Variants in NCAM2 observed in about 807,000 individuals in gnomAD.
NCAM2 encodes the protein N-CAM-2.
A neutral mutation model predicts 98.1 loss-of-function variants in NCAM2; 30 were observed. The observed-to-expected ratio is 0.31, with a 90% CI of 0.23 to 0.41. The LOEUF (loss-of-function observed/expected upper bound fraction) is 0.41, where lower values mean the gene tolerates loss of function less well. NCAM2 is among the 10% of genes least tolerant of loss of function. The probability of loss-of-function intolerance (pLI) is 1.00; values close to 1 mark genes in which losing one functional copy is unlikely to be tolerated. For synonymous variants in NCAM2, 368 were observed against 342.4 expected, an observed-to-expected ratio of 1.07 and a Z score of -0.83; for missense variants, 867 against 1,005.8, an observed-to-expected ratio of 0.86 and a Z score of 1.87.
At chr21:21,342,817 A>T (rs943721936) in intron 8 of NCAM2, among the ~76,000 whole-genome samples, 1 of 152,200 alleles carries the variant, frequency 6.6e-6, no homozygotes, top group African/African-American at 2.4e-5. Context: ...TCTACAATTT[A>T]TCTCAAAATA....
At chr21:21,152,828 A>G (rs574954988) in intron 1 of NCAM2, among the ~76,000 whole-genome samples, 1 of 152,066 alleles carries the variant, frequency 6.6e-6, no homozygotes, top group East Asian at 1.9e-4. Context: ...ACTCAATGGG[A>G]CACTTATGCT....
intron 12 of NCAM2, among the ~76,000 whole-genome samples, chr21:21,434,803 C>G (rs966485781): frequency 1.3e-5 from 2 of 152,162 alleles, no homozygotes; most frequent in East Asian, 3.9e-4. Flanking sequence ...CTCTGGCCTC[C>G]ATGAAAGATA....
intron 1 of NCAM2, among the ~76,000 whole-genome samples, chr21:21,011,524 A>G (rs1033563832): frequency 2.6e-5 from 4 of 152,042 alleles, no homozygotes; most frequent in African/African-American, 9.7e-5. Context: ...ATGTATTGTG[A>G]AATTATTATA....
chr21:21,209,669 A>G (rs191385106), intron 1 of NCAM2, among the ~76,000 whole-genome samples: 2 of 149,926 alleles, frequency 1.3e-5, no homozygotes, highest in Admixed American at 1.3e-4. Flanking sequence ...CTATTCTTTT[A>G]TAGTCTGCTA....
intron 1 of NCAM2, among the ~76,000 whole-genome samples, chr21:21,051,553 G>T (rs977261090): frequency 5.3e-5 from 8 of 152,152 alleles, no homozygotes; most frequent in South Asian, 4.1e-4. Context: ...TGCAACTCAG[G>T]TTTCTTAGGC....
chr21:21,156,204 C>T (rs1307038674), intron 1 of NCAM2, among the ~76,000 whole-genome samples: 2 of 151,712 alleles, frequency 1.3e-5, no homozygotes, highest in African/African-American at 2.4e-5. Context: ...ATTTCTGTCT[C>T]ATTATAAAGA....
intron 5 of NCAM2, among the ~76,000 whole-genome samples, chr21:21,295,475 A>T (rs1000921362): frequency 6.6e-6 from 1 of 151,874 alleles, no homozygotes; most frequent in African/African-American, 2.4e-5. Context: ...TGGCGCCTCC[A>T]AAGGAAGGAT....
intron 1 of NCAM2, among the ~76,000 whole-genome samples, chr21:21,023,320 T>C (rs1002876982): frequency 1.6e-4 from 24 of 152,050 alleles, no homozygotes; most frequent in African/African-American, 5.1e-4. Context: ...GGTCAGGAGT[T>C]TGAAACCAGC....
At chr21:21,278,177 A>C (rs2072799805) in intron 1 of NCAM2, among the ~76,000 whole-genome samples, 1 of 151,588 alleles carries the variant, frequency 6.6e-6, no homozygotes, top group African/African-American at 2.4e-5. Context: ...TTTTTTTTCA[A>C]ACTTGTAATA....
intron 16 of NCAM2, among the ~76,000 whole-genome samples, chr21:21,531,404 A>T (rs1182611460): frequency 6.6e-6 from 1 of 152,316 alleles, no homozygotes; most frequent in East Asian, 1.9e-4. Flanking sequence ...AGTGTGGCAC[A>T]TGCATCAGCT....
At chr21:21,113,455 T>C (rs1172318530) in intron 1 of NCAM2, among the ~76,000 whole-genome samples, 1 of 152,226 alleles carries the variant, frequency 6.6e-6, no homozygotes, top group Non-Finnish European at 1.5e-5. Flanking sequence ...TTAGCCATTT[T>C]CTGTGGCAAA....
intron 2 of NCAM2, among the ~76,000 whole-genome samples, chr21:21,281,805 T>C (rs537211257): frequency 1.3e-5 from 2 of 151,826 alleles, no homozygotes; most frequent in South Asian, 2.1e-4. Context: ...ATAAAATGCA[T>C]TATAAAAATT....
At chr21:21,107,835 G>C (rs556407998) in intron 1 of NCAM2, among the ~76,000 whole-genome samples, 1 of 152,078 alleles carries the variant, frequency 6.6e-6, no homozygotes, top group Non-Finnish European at 1.5e-5. Context: ...CGGTGTCACT[G>C]CCAATACTTA....
At chr21:21,519,239 TAAG>T (rs1988880103) in intron 16 of NCAM2, among the ~76,000 whole-genome samples, 1 of 152,124 alleles carries the variant, frequency 6.6e-6, no homozygotes, top group Admixed American at 6.6e-5. Context: ...AGAAGAGTTT[TAAG>T]AAGATGACTT....
At chr21:21,519,304 A>T (rs994393999) in intron 16 of NCAM2, among the ~76,000 whole-genome samples, 2 of 152,154 alleles carry the variant, frequency 1.3e-5, no homozygotes, top group African/African-American at 4.8e-5. Context: ...TAGGGGAATG[A>T]TTTAAAATCA....
intron 1 of NCAM2, among the ~76,000 whole-genome samples, chr21:21,198,423 G>T (rs1036933117): frequency 6.6e-6 from 1 of 152,068 alleles, no homozygotes; most frequent in Non-Finnish European, 1.5e-5. Context: ...GAAAGAAAAT[G>T]ATATAAAAAA....
At chr21:21,368,005 T>G (rs965821001) in intron 8 of NCAM2, among the ~76,000 whole-genome samples, 1 of 151,936 alleles carries the variant, frequency 6.6e-6, no homozygotes, top group Non-Finnish European at 1.5e-5. Context: ...TAGTCTCTAG[T>G]CTCATGTTTT....
At chr21:21,315,577 T>C (rs2074196443) in intron 5 of NCAM2, among the ~76,000 whole-genome samples, 1 of 152,178 alleles carries the variant, frequency 6.6e-6, no homozygotes, top group Admixed American at 6.5e-5. Context: ...GAATTGGGTG[T>C]TTGCAGCTTT....
intron 1 of NCAM2, among the ~76,000 whole-genome samples, chr21:21,186,533 T>C (rs1047030197): frequency 6.6e-6 from 1 of 152,178 alleles, no homozygotes; most frequent in Admixed American, 6.5e-5. Flanking sequence ...TTGGCAATAA[T>C]TAATTTAATC....
Sources: allele counts gnomAD v4.1 joint callset (sites outside exome capture counted in the v4.1 genomes callset), GRCh38; gene constraint gnomAD v4.1.1; transcripts MANE v1.5; gene names NCBI Gene and HGNC (gene_info 2026-07-23, HGNC 2026-07-21).